IL1RAPL2: variants seen among roughly 807,000 people sequenced by gnomAD.
IL1RAPL2 encodes the protein X-linked interleukin-1 receptor accessory protein-like 2.
A neutral mutation model predicts 44.1 loss-of-function variants in IL1RAPL2; 3 were observed. The observed-to-expected ratio is 0.07, with a 90% confidence interval of 0.03 to 0.18. IL1RAPL2 has a LOEUF of 0.18. Among genes scored for constraint, IL1RAPL2 ranks in the 10% least tolerant of loss-of-function variants. The pLI is 1.00. For synonymous variants in IL1RAPL2, 181 were observed against 178.8 expected, an observed-to-expected ratio of 1.01 and a Z score of -0.10; for missense variants, 391 against 496.4, an observed-to-expected ratio of 0.79 and a Z score of 2.02.
At chrX:104,921,062 T>C (rs1251471731) in intron 2 of IL1RAPL2, among the ~76,000 whole-genome samples, 1 of 111,378 alleles carries the variant, frequency 9.0e-6, no homozygotes, top group Non-Finnish European at 1.9e-5. Context: ...GGACACCATA[T>C]TCCCACTGTG....
intron 3 of IL1RAPL2, among the ~76,000 whole-genome samples, chrX:105,196,230 C>T (rs182619376): frequency 1.2e-3 from 131 of 110,516 alleles, no homozygotes; most frequent in African/African-American, 3.2e-3. Flanking sequence ...TGCAGTGAGC[C>T]GAGATCGCGC....
At chrX:104,717,944 T>C in intron 2 of IL1RAPL2, among the ~76,000 whole-genome samples, 1 of 110,941 alleles carries the variant, frequency 9.0e-6, no homozygotes, top group African/African-American at 3.3e-5. Flanking sequence ...CTCATCATTG[T>C]TATGGCTGCA....
intron 5 of IL1RAPL2, among the ~76,000 whole-genome samples, chrX:105,455,156 CAGTG>C (rs772763993): frequency 8.9e-6 from 1 of 112,006 alleles, no homozygotes; most frequent in South Asian, 3.8e-4. Context: ...AAGGAAATAT[CAGTG>C]AGACACAAGA....
At position 105,476,535 on chromosome X, in the gene IL1RAPL2, A is replaced by C. The variant is rs144468655; in HGVS notation, c.698-7778A>C. 1.7e-4 allele frequency among the ~76,000 whole-genome samples: 19 copies of C among 111,862 alleles called. No individual in the cohort carries two copies. The East Asian group carries it at 4.0e-3, about 23-fold the overall frequency. ...GTGGTGAGCCTATCACAAATGTTCT[A>C]TTATAGCTGGGACACCTAGAGAATA... On this transcript the variant is annotated intron_variant, in intron 5 of 10. Coordinates refer to ENST00000372582, the MANE Select transcript of IL1RAPL2 (RefSeq NM_017416.2).
intron 6 of IL1RAPL2, among the ~76,000 whole-genome samples, chrX:105,640,739 TATAG>T (rs1422129786): frequency 2.6e-5 from 2 of 77,218 alleles, no homozygotes; most frequent in South Asian, 7.2e-4. Context: ...TATATATAGA[TATAG>T]ATAGATATAG....
At chrX:104,902,725 T>C (rs181182136) in intron 2 of IL1RAPL2, among the ~76,000 whole-genome samples, 157 of 112,018 alleles carry the variant, frequency 1.4e-3, no homozygotes, top group African/African-American at 4.7e-3. Flanking sequence ...ACTAGTGTTA[T>C]AGGTAACAGT....
chrX:105,229,494 C>G (rs1207928662), intron 3 of IL1RAPL2, among the ~76,000 whole-genome samples: 3 of 111,946 alleles, frequency 2.7e-5, no homozygotes, highest in African/African-American at 6.5e-5. Flanking sequence ...TGTCAGTGAC[C>G]ACAATGAGAG....
intron 2 of IL1RAPL2, among the ~76,000 whole-genome samples, chrX:104,884,210 T>C (rs1176361590): frequency 9.0e-6 from 1 of 111,422 alleles, no homozygotes; most frequent in Non-Finnish European, 1.9e-5. Context: ...GTGCAAGTTT[T>C]TGAGAATGCA....
At chrX:105,466,751 C>T (rs570275811) in intron 5 of IL1RAPL2, among the ~76,000 whole-genome samples, 1 of 111,655 alleles carries the variant, frequency 9.0e-6, no homozygotes, top group Non-Finnish European at 1.9e-5. Context: ...AGTCCATTTT[C>T]TGTTGCTATA....
chrX:105,062,897 A>C lies in IL1RAPL2; in HGVS notation c.83-132578A>C, dbSNP rs192741962. On this transcript the variant is annotated intron_variant, in intron 2 of 10. Transcript: ENST00000372582. ...TTTAACTTTTGGTAGTTTGATTATT[A>C]AATGTGTTGAGGTAGTTTTCTTTGG... Among the ~76,000 whole-genome samples, 291 of 111,045 alleles carry C rather than the reference A, an allele frequency of 2.6e-3. 3 individuals carry two copies. In the Middle Eastern group the frequency reaches 0.032, roughly 12 times the overall value.
intron 8 of IL1RAPL2, among the ~76,000 whole-genome samples, chrX:105,742,642 G>C (rs2038510250): frequency 9.0e-6 from 1 of 110,964 alleles, no homozygotes; most frequent in South Asian, 3.8e-4. Flanking sequence ...TTAAATATTG[G>C]AGTTCCCCAG....
At chrX:104,825,995 G>A (rs780507965) in intron 2 of IL1RAPL2, among the ~76,000 whole-genome samples, 9 of 111,889 alleles carry the variant, frequency 8.0e-5, no homozygotes, top group Non-Finnish European at 1.7e-4. Context: ...CAGCTGGGAT[G>A]ACTGAAAATA....
At chrX:105,531,737 G>A (rs750549971) in intron 6 of IL1RAPL2, among the ~76,000 whole-genome samples, 3 of 111,645 alleles carry the variant, frequency 2.7e-5, no homozygotes, top group East Asian at 5.6e-4. Context: ...TTTTGTATAT[G>A]GTGACAGATA....
chrX:104,960,223 A>G (rs2029979756), intron 2 of IL1RAPL2, among the ~76,000 whole-genome samples: 2 of 112,090 alleles, frequency 1.8e-5, no homozygotes, highest in African/African-American at 6.5e-5. Flanking sequence ...GGTTAACTCT[A>G]GAACAGAAAG....
At chrX:105,017,658 C>A (rs146552342) in intron 2 of IL1RAPL2, among the ~76,000 whole-genome samples, 4,296 of 110,388 alleles carry the variant, frequency 0.039, 227 homozygotes, top group African/African-American at 0.13. Flanking sequence ...AAAGAGGTTG[C>A]ATAATTGAGT....
intron 1 of IL1RAPL2, among the ~76,000 whole-genome samples, chrX:104,626,302 G>GTGTA (rs1444709221): frequency 2.8e-5 from 3 of 106,619 alleles, no homozygotes; most frequent in African/African-American, 1.1e-4. Context: ...TCTCATGCGT[G>GTGTA]TGTGTGTGTG....
intron 2 of IL1RAPL2, among the ~76,000 whole-genome samples, chrX:104,679,771 A>AT (rs1314617300): frequency 3.6e-5 from 4 of 111,072 alleles, no homozygotes; most frequent in South Asian, 3.8e-4. Context: ...AAGTAATCAG[A>AT]TTTTTTTCCC....
At chrX:105,628,672 C>T (rs763501144) in intron 6 of IL1RAPL2, among the ~76,000 whole-genome samples, 4 of 112,101 alleles carry the variant, frequency 3.6e-5, no homozygotes, top group Non-Finnish European at 7.5e-5. Context: ...TGGTGGCTCA[C>T]GCCTGTAATC....
intron 2 of IL1RAPL2, among the ~76,000 whole-genome samples, chrX:104,943,224 A>G (rs1925242557): frequency 9.1e-6 from 1 of 110,337 alleles, no homozygotes; most frequent in South Asian, 3.9e-4. Flanking sequence ...TCTCATTTCT[A>G]TCTGCAGATT....
Sources: gnomAD v4.1 joint callset for allele counts (sites outside exome capture counted in the v4.1 genomes callset) on GRCh38, gnomAD v4.1.1 for gene constraint, MANE v1.5 for transcripts, NCBI Gene and HGNC (gene_info 2026-07-23, HGNC 2026-07-21) for gene names.